The following GABARAPL2 variants were observed in gnomAD, a reference collection of about 807,000 sequenced individuals.
The protein encoded by GABARAPL2 is GABA type A receptor associated protein like 2, also known as gamma-aminobutyric acid receptor-associated protein-like 2.
Under a neutral mutation model 16.9 loss-of-function variants are expected in GABARAPL2, and 11 were observed. That is an observed-to-expected ratio of 0.65 (90% CI 0.41 to 1.08). The LOEUF (loss-of-function observed/expected upper bound fraction) is 1.08. Among genes scored for constraint, GABARAPL2 ranks in the 50% least tolerant of loss-of-function variants. The pLI is 0.00. For synonymous variants in GABARAPL2, 57 were observed against 50.7 expected, an observed-to-expected ratio of 1.12 and a Z score of -0.53; for missense variants, 134 against 142.5, an observed-to-expected ratio of 0.94 and a Z score of 0.30.
intron 3 of GABARAPL2, among the ~76,000 whole-genome samples, chr16:75,573,313 G>T (rs1376945315): frequency 6.6e-6 from 1 of 152,186 alleles, no homozygotes; most frequent in Non-Finnish European, 1.5e-5. Flanking sequence ...CATTTTGGCT[G>T]CAGGCCAAAT....
chr16:75,575,299 A>G (rs907783981), intron 3 of GABARAPL2, among the ~76,000 whole-genome samples: 1 of 146,726 alleles, frequency 6.8e-6, no homozygotes, highest in Non-Finnish European at 1.5e-5. Context: ...GTTGAAATTA[A>G]TTTTTTTTTT....
At chr16:75,566,704 T>C in intron 1 of GABARAPL2, 148 bp from the exon 2 acceptor site, 1 of 965,518 alleles carries the variant, frequency 1.0e-6, no homozygotes, top group Non-Finnish European at 1.6e-6. Flanking sequence ...CGGGCCTTGC[T>C]GGGAGCTAGT....
chr16:75,567,755 T>A (rs57619500), intron 2 of GABARAPL2, among the ~76,000 whole-genome samples: 2,616 of 152,286 alleles, frequency 0.017, 85 homozygotes, highest in African/African-American at 0.06. Context: ...CCCCAGATAT[T>A]CTTAGGTCTG....
chr16:75,568,014 C>A, intron 2 of GABARAPL2, 23 bp from the exon 3 acceptor site: 2 of 1,584,922 alleles, frequency 1.3e-6, no homozygotes, highest in Non-Finnish European at 1.7e-6. Flanking sequence ...AAACACAGTC[C>A]TGACCTCTCT....
chr16:75,566,673 CT>C, intron 1 of GABARAPL2, 153 bp downstream of exon 1: 1 of 989,860 alleles, frequency 1.0e-6, no homozygotes, highest in Middle Eastern at 3.1e-4. Context: ...CAGCGGCCCC[CT>C]GACCCCATGT....
chr16:75,569,101 G>T (rs1401670471), intron 3 of GABARAPL2, among the ~76,000 whole-genome samples: 1 of 152,192 alleles, frequency 6.6e-6, no homozygotes, highest in Non-Finnish European at 1.5e-5. Flanking sequence ...CTGGGAACTA[G>T]CCCAATGTTG....
chr16:75,566,653 G>C, intron 1 of GABARAPL2, 133 bp downstream of exon 1: 1 of 1,095,540 alleles, frequency 9.1e-7, no homozygotes, highest in Non-Finnish European at 1.3e-6. Flanking sequence ...CCATGCCCTG[G>C]TGCCTCGGGC....
At chr16:75,569,859 T>C (rs1395841900) in intron 3 of GABARAPL2, among the ~76,000 whole-genome samples, 1 of 152,146 alleles carries the variant, frequency 6.6e-6, no homozygotes, top group Non-Finnish European at 1.5e-5. Context: ...TTCAAGCCAT[T>C]TTCTCTCCAA....
In GABARAPL2 at chr16:75,577,366, C is replaced by T; in HGVS notation, c.351C>T (p.Phe117=). The change falls in exon 4 of 4, where the codon TTC becomes TTT. Residue 117 remains phenylalanine (F), a synonymous_variant. Transcript: ENST00000037243. The stretch of plus-strand genomic sequence containing the variant: ...ACAGCGGAGAGAACACTTTTGGCTT[C>T]TGAGGGCCATTGCTGGGCTAGGTGC... The part of the protein sequence containing the change: ...VAYSGENTFG[F] The T allele has an allele frequency of 6.3e-7, 1 of 1,589,910 alleles. No homozygotes were observed. The highest frequency in any genetic ancestry group is 8.6e-7 in the Non-Finnish European group (1 of 1,157,956).
chr16:75,574,833 T>C (rs1421990072), intron 3 of GABARAPL2, among the ~76,000 whole-genome samples: 6 of 25,332 alleles, frequency 2.4e-4, no homozygotes, highest in African/African-American at 2.2e-3. Flanking sequence ...AAGACCAGCC[T>C]GGCCAACATG....
At chr16:75,566,795 G>T in intron 1 of GABARAPL2, 57 bp from the exon 2 acceptor site, 1 of 1,509,230 alleles carries the variant, frequency 6.6e-7, no homozygotes, top group Non-Finnish European at 9.2e-7. Context: ...AGGGCCGGGG[G>T]CCGGGAACCG....
At chr16:75,570,846 C>T (rs2080910174) in intron 3 of GABARAPL2, among the ~76,000 whole-genome samples, 1 of 152,120 alleles carries the variant, frequency 6.6e-6, no homozygotes, top group African/African-American at 2.4e-5. Flanking sequence ...TGCCTAGGTG[C>T]CAGCATCAAG....
intron 3 of GABARAPL2, among the ~76,000 whole-genome samples, chr16:75,575,186 C>T (rs2080940477): frequency 6.6e-6 from 1 of 152,112 alleles, no homozygotes; most frequent in Admixed American, 6.5e-5. Flanking sequence ...CTACCCACTG[C>T]CCCCTAAGTC....
intron 2 of GABARAPL2, 23 bp from the exon 3 acceptor site, chr16:75,568,014 C>G: frequency 6.3e-7 from 1 of 1,584,922 alleles, no homozygotes; most frequent in Non-Finnish European, 8.6e-7. Flanking sequence ...AAACACAGTC[C>G]TGACCTCTCT....
intron 3 of GABARAPL2, 51 bp from the exon 4 acceptor site, chr16:75,577,228 C>T (rs750533053): frequency 1.7e-6 from 2 of 1,168,858 alleles, no homozygotes; most frequent in South Asian, 2.4e-5. Flanking sequence ...CCTTTTTCTC[C>T]TGAAACCTGG....
At chr16:75,575,110 C>A (rs1019795914) in intron 3 of GABARAPL2, among the ~76,000 whole-genome samples, 1 of 152,056 alleles carries the variant, frequency 6.6e-6, no homozygotes, top group African/African-American at 2.4e-5. Flanking sequence ...TTAAAGCTCT[C>A]TTTAAAGTAA....
intron 3 of GABARAPL2, among the ~76,000 whole-genome samples, chr16:75,574,232 C>T (rs1348084850): frequency 6.6e-5 from 10 of 152,242 alleles, no homozygotes; most frequent in Admixed American, 2.6e-4. Flanking sequence ...CTGGTGTTTA[C>T]GAAGCTCTTC....
chr16:75,568,253 G>C (rs761962095), intron 3 of GABARAPL2, 44 bp downstream of exon 3: 3 of 1,414,266 alleles, frequency 2.1e-6, no homozygotes, highest in Non-Finnish European at 3.0e-6. Context: ...TTAGACATCT[G>C]GTTGGCTGCT....
intron 3 of GABARAPL2, among the ~76,000 whole-genome samples, chr16:75,572,922 C>T (rs1278011038): frequency 6.6e-6 from 1 of 152,230 alleles, no homozygotes; most frequent in Non-Finnish European, 1.5e-5. Flanking sequence ...TTCAGGTGTT[C>T]TCTACAGCCA....
Sources: gnomAD v4.1 joint callset for allele counts (sites outside exome capture counted in the v4.1 genomes callset) on GRCh38, gnomAD v4.1.1 for gene constraint, MANE v1.5 for transcripts, NCBI Gene and HGNC (gene_info 2026-07-23, HGNC 2026-07-21) for gene names.